AUTS2: variants seen among roughly 807,000 people sequenced by gnomAD.
AUTS2 encodes autism susceptibility gene 2 protein.
A neutral mutation model predicts 112.4 loss-of-function variants in AUTS2; 17 were observed. That is an observed-to-expected ratio of 0.15 (90% CI 0.10 to 0.23). AUTS2 has a LOEUF of 0.23. Among genes scored for constraint, AUTS2 ranks in the 10% least tolerant of loss-of-function variants. The pLI is 1.00. For missense variants in AUTS2, 1,510 were observed against 1,701.6 expected (o/e 0.89, Z 1.98); for synonymous variants, 751 against 702.7 (o/e 1.07, Z -1.09).
At chr7:70,231,260 A>G (rs780238260) in intron 4 of AUTS2, among the ~76,000 whole-genome samples, 1 of 152,208 alleles carries the variant, frequency 6.6e-6, no homozygotes, top group Non-Finnish European at 1.5e-5. Flanking sequence ...ACTCTTGAGT[A>G]TACAGCTAAA....
rs1370541537 is a variant in AUTS2, at chr7:70,791,809, C to T, written c.*813C>T. On this transcript the variant is annotated 3_prime_UTR_variant, in exon 19 of 19. Transcript: ENST00000342771. ...TGGAACTTAGCATCTGAAGTTGCCG[C>T]TTGTGGGCTCTGGGGGAAAGTGTAG... 6.6e-6 allele frequency: 1 copy of T among 152,132 alleles called. No homozygotes were observed. The highest frequency in any genetic ancestry group is 1.5e-5 in the Non-Finnish European group (1 of 68,030). 9.4% of individuals were successfully genotyped at this position (152,132 alleles called of 1,614,324 possible). A position where few individuals can be genotyped will look rare whatever the true frequency, so the allele number is the denominator to read the frequency against.
At chr7:70,397,355 G>A (rs968635751) in intron 4 of AUTS2, among the ~76,000 whole-genome samples, 11 of 151,932 alleles carry the variant, frequency 7.2e-5, no homozygotes, top group African/African-American at 1.5e-4. Flanking sequence ...ATGAGCCACC[G>A]AGCCCAGCCT....
At position 70,314,722 on chromosome 7, in the gene AUTS2, G is replaced by A. The variant is rs183851028; in HGVS notation, c.661-121030G>A. On this transcript the variant is annotated intron_variant, in intron 4 of 18. Transcript: ENST00000342771. ...AAAATCACCCTCAACTTCCATCTCCGCCATTTAACATGAAAACATTGTTAT... is the reference window on the plus strand; with the variant it reads ...AAAATCACCCTCAACTTCCATCTCCACCATTTAACATGAAAACATTGTTAT... 9.5e-4 allele frequency among the ~76,000 whole-genome samples: 144 copies of A among 151,924 alleles called. 2 individuals carry two copies. Among genetic ancestry groups the A allele is most frequent in the Admixed American group, 1.6e-3 (24 of 15,260 alleles).
At chr7:70,254,665 T>C (rs2129604866) in intron 4 of AUTS2, among the ~76,000 whole-genome samples, 1 of 152,328 alleles carries the variant, frequency 6.6e-6, no homozygotes, top group Middle Eastern at 3.4e-3. Context: ...TTTACCCTTC[T>C]CTTTTGACTT....
At chr7:70,221,042 C>G (rs1162165063) in intron 4 of AUTS2, among the ~76,000 whole-genome samples, 1 of 152,158 alleles carries the variant, frequency 6.6e-6, no homozygotes, top group Non-Finnish European at 1.5e-5. Context: ...GGCCAGGACC[C>G]TATGTGTGTT....
intron 1 of AUTS2, among the ~76,000 whole-genome samples, chr7:69,714,247 ATATGTGTGTG>A (rs1407916212): frequency 2.4e-5 from 1 of 42,346 alleles, no homozygotes; most frequent in Non-Finnish European, 6.9e-5. Flanking sequence ...ATGTGTGTGT[ATATGTGTGTG>A]TGTGTGTGTG....
At chr7:70,436,977 C>G (rs755558392) in intron 5 of AUTS2, 1 of 152,244 alleles carries the variant, frequency 6.6e-6, no homozygotes, top group Non-Finnish European at 1.5e-5. Context: ...CATGTTCTGC[C>G]TGACTTGGAT....
At chr7:69,802,335 T>A (rs1045382714) in intron 1 of AUTS2, among the ~76,000 whole-genome samples, 6 of 152,236 alleles carry the variant, frequency 3.9e-5, no homozygotes, top group African/African-American at 1.4e-4. Flanking sequence ...TGGAACCACC[T>A]CTCTCAGATC....
chr7:70,707,750 T>G (rs909076345), intron 6 of AUTS2, among the ~76,000 whole-genome samples: 7 of 152,296 alleles, frequency 4.6e-5, no homozygotes, highest in Admixed American at 4.6e-4. Flanking sequence ...GGGCTCAGCT[T>G]AAGGCACCTC....
At chr7:69,984,155 C>A (rs984245374) in intron 2 of AUTS2, among the ~76,000 whole-genome samples, 1 of 152,112 alleles carries the variant, frequency 6.6e-6, no homozygotes, top group Non-Finnish European at 1.5e-5. Flanking sequence ...CAGTGGCTCA[C>A]GCTTGTAATC....
At chr7:70,777,298 C>G in intron 14 of AUTS2, 124 bp downstream of exon 14, 1 of 870,136 alleles carries the variant, frequency 1.1e-6, no homozygotes, top group Admixed American at 2.3e-5. Context: ...TAGGAAGGAT[C>G]AAGCCTCTCT....
At chr7:70,489,318 A>T (rs1798146781) in intron 5 of AUTS2, among the ~76,000 whole-genome samples, 1 of 152,238 alleles carries the variant, frequency 6.6e-6, no homozygotes, top group Non-Finnish European at 1.5e-5. Context: ...AATCAGGGGC[A>T]ACTGACTTTT....
intron 1 of AUTS2, among the ~76,000 whole-genome samples, chr7:69,832,279 T>A (rs2129527595): frequency 6.6e-6 from 1 of 152,224 alleles, no homozygotes; most frequent in South Asian, 2.1e-4. Flanking sequence ...GAAGTGTAGG[T>A]GAAAGTAAGC....
intron 1 of AUTS2, among the ~76,000 whole-genome samples, chr7:69,704,506 C>A (rs1797969112): frequency 6.6e-6 from 1 of 152,118 alleles, no homozygotes; most frequent in African/African-American, 2.4e-5. Flanking sequence ...TCTTGATCTT[C>A]TGACCTCGTG....
intron 1 of AUTS2, among the ~76,000 whole-genome samples, chr7:69,874,924 C>T (rs928790889): frequency 1.3e-5 from 2 of 151,696 alleles, no homozygotes; most frequent in Non-Finnish European, 2.9e-5. Flanking sequence ...CCATTACGTC[C>T]AGTTGCATTG....
At chr7:70,250,249 T>A (rs1786524143) in intron 4 of AUTS2, among the ~76,000 whole-genome samples, 1 of 152,164 alleles carries the variant, frequency 6.6e-6, no homozygotes, top group Non-Finnish European at 1.5e-5. Flanking sequence ...CAAATAGGGA[T>A]GAAGGTAAGA....
chr7:69,815,992 A>G (rs1307890054), intron 1 of AUTS2, among the ~76,000 whole-genome samples: 1 of 152,222 alleles, frequency 6.6e-6, no homozygotes, highest in African/African-American at 2.4e-5. Context: ...GGTGACTGTC[A>G]GTATGAATCT....
chr7:70,310,806 T>G (rs1789711967), intron 4 of AUTS2, among the ~76,000 whole-genome samples: 1 of 152,146 alleles, frequency 6.6e-6, no homozygotes, highest in African/African-American at 2.4e-5. Context: ...GGCTCCTGGC[T>G]CGGCCTGCAA....
At chr7:70,643,956 C>T (rs373088837) in intron 5 of AUTS2, among the ~76,000 whole-genome samples, 3 of 152,066 alleles carry the variant, frequency 2.0e-5, no homozygotes, top group African/African-American at 7.2e-5. Flanking sequence ...TCCTGGCTCG[C>T]CCCACCTACC....
Sources: allele counts gnomAD v4.1 joint callset (sites outside exome capture counted in the v4.1 genomes callset), GRCh38; gene constraint gnomAD v4.1.1; transcripts MANE v1.5; gene names NCBI Gene and HGNC (gene_info 2026-07-23, HGNC 2026-07-21).